SLC2A10: variants seen among roughly 807,000 people sequenced by gnomAD.
SLC2A10 encodes solute carrier family 2 member 10, also known as solute carrier family 2, facilitated glucose transporter member 10.
In SLC2A10, 25 loss-of-function variants were observed where a neutral mutation model predicts 32.1. That is an observed-to-expected ratio of 0.78 (90% CI 0.57 to 1.09). The LOEUF (loss-of-function observed/expected upper bound fraction) is 1.09. Among genes scored for constraint, SLC2A10 ranks in the 50% least tolerant of loss-of-function variants. The pLI, the probability that SLC2A10 is intolerant of heterozygous loss-of-function variation, is 0.00. For missense variants in SLC2A10, 673 were observed against 686.5 expected, an observed-to-expected ratio of 0.98 and a Z score of 0.22; for synonymous variants, 332 against 309.6, an observed-to-expected ratio of 1.07 and a Z score of -0.76.
Position 46,729,508 on chromosome 20 carries a change from G to A in SLC2A10, c.1547+20G>A. The A allele has an allele frequency of 6.2e-7, 1 of 1,613,836 alleles. No homozygotes were observed. Among genetic ancestry groups the A allele is most frequent in the Non-Finnish European group, 8.5e-7 (1 of 1,179,900 alleles). ...GAGACGGTAGGAAGCTGACAGGGTGGGTCTGGGGGAAGAGCTGTAGCACAC... is the reference window on the plus strand; with the variant it reads ...GAGACGGTAGGAAGCTGACAGGGTGAGTCTGGGGGAAGAGCTGTAGCACAC... On this transcript the variant is annotated intron_variant, in intron 4 of 4. Transcript: ENST00000359271.
intron 1 of SLC2A10, among the ~76,000 whole-genome samples, chr20:46,713,257 G>A (rs989095334): frequency 6.6e-6 from 1 of 152,114 alleles, no homozygotes; most frequent in Non-Finnish European, 1.5e-5. Flanking sequence ...AAAATATGTA[G>A]TTATTTTGGA....
At chr20:46,721,016 G>A (rs1979520765) in intron 1 of SLC2A10, among the ~76,000 whole-genome samples, 1 of 152,144 alleles carries the variant, frequency 6.6e-6, no homozygotes. Context: ...CCTGTCTGTT[G>A]CCTAAGGGTC....
At chr20:46,726,777 A>G in intron 2 of SLC2A10, 87 bp from the exon 3 acceptor site, 1 of 1,569,338 alleles carries the variant, frequency 6.4e-7, no homozygotes, top group Non-Finnish European at 8.7e-7. Flanking sequence ...AGAAAATCCC[A>G]TTGTTGAGAG....
intron 1 of SLC2A10, among the ~76,000 whole-genome samples, chr20:46,719,170 A>G (rs187005051): frequency 1.1e-4 from 17 of 151,962 alleles, no homozygotes; most frequent in African/African-American, 2.9e-4. Flanking sequence ...CTCTGAATGA[A>G]AAAGCCATGG....
At chr20:46,717,884 G>T (rs1268683964) in intron 1 of SLC2A10, among the ~76,000 whole-genome samples, 1 of 152,128 alleles carries the variant, frequency 6.6e-6, no homozygotes, top group Non-Finnish European at 1.5e-5. Context: ...AGAAGGAGGA[G>T]ACAATGTGAG....
In SLC2A10 at chr20:46,725,796, G is replaced by A. The variant is rs752297113; in HGVS notation, c.760G>A (p.Ala254Thr). Residue 254 changes from alanine to threonine, a missense_variant, in exon 2 of 5, where the codon GCC (alanine) becomes ACC (threonine). Coordinates refer to ENST00000359271, the MANE Select transcript of SLC2A10 (RefSeq NM_030777.4). The part of the protein sequence containing the change: ...LTGQPNVLCY[A>T]STIFSSVGFH... ...AGGGCAGCCCAACGTGCTGTGCTAT[G>A]CCTCCACCATCTTCAGCTCCGTTGG... The A allele has an allele frequency of 1.9e-6, 3 of 1,614,216 alleles. No homozygotes were observed. The highest frequency in any genetic ancestry group is 2.5e-6 in the Non-Finnish European group (3 of 1,180,034).
chr20:46,721,446 A>G (rs1228707122), intron 1 of SLC2A10, among the ~76,000 whole-genome samples: 4 of 152,124 alleles, frequency 2.6e-5, no homozygotes, highest in Non-Finnish European at 2.9e-5. Flanking sequence ...GCAAAAAAAA[A>G]AAAAAAAGAG....
At chr20:46,724,833 ATGG>A (rs1979769563) in intron 1 of SLC2A10, among the ~76,000 whole-genome samples, 2 of 145,934 alleles carry the variant, frequency 1.4e-5, no homozygotes, top group Non-Finnish European at 3.0e-5. Flanking sequence ...GGATGGATGG[ATGG>A]ATGGATGGAT....
In SLC2A10 at chr20:46,734,168, A is replaced by G. The variant is rs6018010; in HGVS notation, c.*334A>G. ...TTCTCAAAGAATCTCAAGGGTACCA[A>G]TCCTGGCAGGAAGTCTCTCCCGATA... On this transcript the variant is annotated 3_prime_UTR_variant, in exon 5 of 5. Coordinates refer to ENST00000359271, the MANE Select transcript of SLC2A10 (RefSeq NM_030777.4). 2,565 of 399,072 alleles carry G rather than the reference A, an allele frequency of 6.4e-3. 44 individuals carry two copies. Among genetic ancestry groups the G allele is most frequent in the African/African-American group, 0.042 (2,064 of 49,080 alleles). 24.7% of individuals were successfully genotyped at this position (399,072 alleles called of 1,614,324 possible). A position where few individuals can be genotyped will look rare whatever the true frequency, so the allele number is the denominator to read the frequency against.
intron 3 of SLC2A10, among the ~76,000 whole-genome samples, chr20:46,728,045 G>A (rs1980071429): frequency 6.6e-6 from 1 of 152,094 alleles, no homozygotes; most frequent in South Asian, 2.1e-4. Context: ...CCCTTTGTGT[G>A]GAGTAAATGA....
rs763521707 is a variant in SLC2A10 at position 46,725,965 on chromosome 20, C to T, written c.929C>T (p.Ser310Phe). ...GCTGGCTGTGCCCTCATGGCCCTGT[C>T]CGTCAGTGGCATAGGCCTCGTCAGC... Reference protein sequence around the residue: ...LLAGCALMALSVSGIGLVSFA... With the variant: ...LLAGCALMALFVSGIGLVSFA... Residue 310 changes from serine to phenylalanine, a missense_variant, in exon 2 of 5, where the codon TCC becomes TTC. Physicochemically the swap from Ser to Phe is radical, Grantham distance 155. Coordinates refer to ENST00000359271, the MANE Select transcript of SLC2A10 (RefSeq NM_030777.4). The T allele has an allele frequency of 5.4e-5, 87 of 1,613,736 alleles. No individual in the cohort carries two copies. Among genetic ancestry groups the T allele is most frequent in the Non-Finnish European group, 7.1e-5 (84 of 1,180,040 alleles).
rs1555887757 is a variant in SLC2A10 at position 46,724,875 on chromosome 20, C to CGGACGGATGGATGGAT, written c.5-163_5-162insCGGATGGATGGATGGA. Among the ~76,000 whole-genome samples the CGGACGGATGGATGGAT allele has an allele frequency of 2.4e-4, 34 of 139,874 alleles. No individual in the cohort carries two copies. In the South Asian group the frequency reaches 7.6e-3, roughly 31 times the overall value. The allele number at this position is 139,874 out of a possible 152,430, so 91.8% of individuals were successfully genotyped here. ...TGAATTGATGGAGTGGATGGATGGACGGATGGATGGATGGATGGATGGATG... is the reference window on the plus strand; with the variant it reads ...TGAATTGATGGAGTGGATGGATGGACGGACGGATGGATGGATGGATGGATGGATGGATGGATGGATG... On this transcript the variant is annotated intron_variant, in intron 1 of 4. Transcript: ENST00000359271.
intron 3 of SLC2A10, among the ~76,000 whole-genome samples, chr20:46,728,832 C>T (rs1480975414): frequency 6.6e-6 from 1 of 151,834 alleles, no homozygotes; most frequent in African/African-American, 2.4e-5. Flanking sequence ...ACCATGTTGC[C>T]CAGGCTGGTC....
chr20:46,726,268 C>G lies in SLC2A10; in HGVS notation c.1232C>G (p.Thr411Ser), dbSNP rs1299646660. The change falls in exon 2 of 5, where the codon ACC becomes AGC. Residue 411 changes from threonine (T) to serine (S), a missense_variant. Thr to Ser is a moderately conservative substitution (Grantham distance 58, BLOSUM62 1). Transcript: ENST00000359271. ...CGGGGGCATGCACTGCTGCGCTGGA[C>G]CGCACTGCTGTGCCTGATGGTCTTT... The part of the protein sequence containing the change: ...PARGHALLRW[T>S]ALLCLMVFVS... 6.2e-7 allele frequency: 1 copy of G among 1,612,964 alleles called. No homozygotes were observed. Among genetic ancestry groups the G allele is most frequent in the African/African-American group, 1.3e-5 (1 of 74,956 alleles).
At position 46,725,104 on chromosome 20, in the gene SLC2A10, G is replaced by A. The variant is rs1979801533; in HGVS notation, c.68G>A (p.Gly23Asp). 2 of 1,614,068 alleles carry A rather than the reference G, an allele frequency of 1.2e-6. No individual in the cohort carries two copies. The highest frequency in any genetic ancestry group is 2.2e-5 in the East Asian group (1 of 44,886). The change falls in exon 2 of 5, where the codon GGT becomes GAT. Residue 23 changes from glycine (G) to aspartate (D), a missense_variant. Physicochemically the swap from Gly to Asp is moderately conservative, Grantham distance 94 (BLOSUM62 -1). Transcript: ENST00000359271. ...SVSLLGGLTF[G>D]YELAVISGAL... ...TCTTTGCTGGGTGGCCTGACCTTTG[G>A]TTATGAACTGGCAGTCATATCAGGT... is the stretch of plus-strand genomic sequence containing the variant.
chr20:46,731,001 C>G (rs540053458), intron 4 of SLC2A10, among the ~76,000 whole-genome samples: 191 of 152,344 alleles, frequency 1.3e-3, no homozygotes, highest in Non-Finnish European at 2.4e-3. Context: ...GTGACCCAGT[C>G]CTCCCCACCC....
chr20:46,720,326 CAAA>C (rs1274067411), intron 1 of SLC2A10, among the ~76,000 whole-genome samples: 3 of 152,158 alleles, frequency 2.0e-5, no homozygotes, highest in Non-Finnish European at 4.4e-5. Context: ...CTACCAAAAA[CAAA>C]ACAAAGCAAG....
intron 1 of SLC2A10, 79 bp downstream of exon 1, chr20:46,709,819 G>C: frequency 6.6e-7 from 1 of 1,511,662 alleles, no homozygotes; most frequent in Non-Finnish European, 9.0e-7. Context: ...GCTCCCCTAA[G>C]AGTGCGCGCC....
chr20:46,709,690 C>A lies in SLC2A10; in HGVS notation c.-47C>A. 2 of 1,535,848 alleles carry A rather than the reference C, an allele frequency of 1.3e-6. No individual in the cohort carries two copies. The highest frequency in any genetic ancestry group is 1.2e-5 in the South Asian group (1 of 82,800). The stretch of plus-strand genomic sequence containing the variant: ...GTTGGGGACTCCGGCGGGGGATGCG[C>A]GCCCGGCCCCTCAGCGCCCCCAGCA... On this transcript the variant is annotated 5_prime_UTR_variant, in exon 1 of 5. Coordinates refer to ENST00000359271, the MANE Select transcript of SLC2A10 (RefSeq NM_030777.4).
Sources: gnomAD v4.1 joint callset for allele counts (sites outside exome capture counted in the v4.1 genomes callset) on GRCh38, gnomAD v4.1.1 for gene constraint, MANE v1.5 for transcripts, NCBI Gene and HGNC (gene_info 2026-07-23, HGNC 2026-07-21) for gene names.